Variants in C12orf56 observed in about 807,000 individuals in gnomAD.
C12orf56 encodes uncharacterized protein C12orf56.
In C12orf56, 71 loss-of-function variants were observed where a neutral mutation model predicts 69.9. The ratio of observed to expected loss-of-function variants is 1.02; its 90% confidence interval spans 0.84 to 1.24. C12orf56 has a LOEUF of 1.24. Among genes scored for constraint, C12orf56 ranks in the 50% most tolerant of loss-of-function variants. The probability of loss-of-function intolerance (pLI) is 0.00; values close to 1 mark genes in which losing one functional copy is unlikely to be tolerated. For synonymous variants in C12orf56, 276 were observed against 274.1 expected (o/e 1.01, Z -0.07); for missense variants, 732 against 738.5 (o/e 0.99, Z 0.10).
At chr12:64,369,399 T>A (rs569496040) in intron 1 of C12orf56, among the ~76,000 whole-genome samples, 135 of 152,196 alleles carry the variant, frequency 8.9e-4, no homozygotes, top group African/African-American at 3.1e-3. Context: ...GGTTTCGCCA[T>A]ATTGGCCGGG....
intron 12 of C12orf56, among the ~76,000 whole-genome samples, chr12:64,269,423 G>A (rs2037953907): frequency 6.6e-6 from 1 of 152,140 alleles, no homozygotes; most frequent in South Asian, 2.1e-4. Flanking sequence ...GCCAATGCTG[G>A]CTACTGTTCT....
At chr12:64,293,172 C>A (rs1045391545) in intron 6 of C12orf56, 1 of 152,262 alleles carries the variant, frequency 6.6e-6, no homozygotes, top group Non-Finnish European at 1.5e-5. Context: ...TGACCCCTCG[C>A]GCTTCCCAAG....
intron 2 of C12orf56, among the ~76,000 whole-genome samples, chr12:64,337,398 C>T (rs2039010555): frequency 6.6e-6 from 1 of 152,186 alleles, no homozygotes; most frequent in Non-Finnish European, 1.5e-5. Context: ...CAGGTTTCCA[C>T]CTGTATTTCT....
intron 7 of C12orf56, among the ~76,000 whole-genome samples, chr12:64,285,158 T>C (rs1023534343): frequency 1.4e-5 from 2 of 147,868 alleles, no homozygotes; most frequent in African/African-American, 5.0e-5. Context: ...ATGCACTCCC[T>C]CTGAGGGACA....
intron 6 of C12orf56, among the ~76,000 whole-genome samples, chr12:64,298,198 G>A (rs1009666943): frequency 6.6e-6 from 1 of 152,092 alleles, no homozygotes; most frequent in Non-Finnish European, 1.5e-5. Context: ...AGAAGTGTCT[G>A]TTCATATCCT....
At chr12:64,367,410 G>A (rs965972953) in intron 1 of C12orf56, among the ~76,000 whole-genome samples, 1 of 147,826 alleles carries the variant, frequency 6.8e-6, no homozygotes, top group African/African-American at 2.5e-5. Context: ...AAAATACTAT[G>A]GGTCTAAAAA....
intron 5 of C12orf56, among the ~76,000 whole-genome samples, chr12:64,308,940 G>GAAGAAAGA (rs1555188252): frequency 0.032 from 2,579 of 80,768 alleles, 84 homozygotes; most frequent in Middle Eastern, 0.068. Context: ...AAGAAAGAAA[G>GAAGAAAGA]AAGAAAGAAA....
intron 2 of C12orf56, among the ~76,000 whole-genome samples, chr12:64,333,571 G>A (rs556117342): frequency 3.5e-4 from 53 of 152,034 alleles, no homozygotes; most frequent in Middle Eastern, 6.8e-3. Flanking sequence ...GCACAATCTC[G>A]GCTCACTGCA....
chr12:64,384,627 A>C (rs2039763059), intron 1 of C12orf56, among the ~76,000 whole-genome samples: 1 of 152,174 alleles, frequency 6.6e-6, no homozygotes, highest in Non-Finnish European at 1.5e-5. Flanking sequence ...AAAGGGGTGA[A>C]AGGACTAGGA....
intron 3 of C12orf56, among the ~76,000 whole-genome samples, chr12:64,325,695 G>A (rs2038830093): frequency 1.3e-5 from 2 of 152,104 alleles, no homozygotes; most frequent in African/African-American, 4.8e-5. Context: ...CCAAAAGAAG[G>A]GGAGACTTGA....
intron 6 of C12orf56, among the ~76,000 whole-genome samples, chr12:64,286,714 TG>T (rs2038206723): frequency 6.6e-6 from 1 of 152,192 alleles, no homozygotes; most frequent in African/African-American, 2.4e-5. Context: ...AGAAATGTAA[TG>T]TAATTGCTTT....
At chr12:64,284,810 A>T in intron 7 of C12orf56, 57 bp from the exon 8 acceptor site, 1 of 1,348,664 alleles carries the variant, frequency 7.4e-7, no homozygotes, top group Non-Finnish European at 1.0e-6. Context: ...GAAGCTCAGA[A>T]TTCCACAAAA....
In C12orf56 at chr12:64,330,952, A is replaced by C; in HGVS notation, c.488+8T>G. The C allele has an allele frequency of 6.5e-7, 1 of 1,541,866 alleles. No individual in the cohort carries two copies. The highest frequency in any genetic ancestry group is 8.8e-7 in the Non-Finnish European group (1 of 1,142,020). ...AAGTTAAACACATACTCCAAACAACAATCTCACCTGAGAGGAGATTCTTTC... is the reference window on the plus strand; with the variant it reads ...AAGTTAAACACATACTCCAAACAACCATCTCACCTGAGAGGAGATTCTTTC... On this transcript the variant is annotated splice_region_variant and intron_variant, in intron 3 of 12. Coordinates refer to ENST00000543942, the MANE Select transcript of C12orf56 (RefSeq NM_001170633.2).
At chr12:64,330,116 T>C (rs1431936832) in intron 3 of C12orf56, among the ~76,000 whole-genome samples, 3 of 152,188 alleles carry the variant, frequency 2.0e-5, no homozygotes. Context: ...ACTTCCACAA[T>C]GGTTGAACTA....
intron 6 of C12orf56, among the ~76,000 whole-genome samples, chr12:64,303,008 C>A (rs1322869997): frequency 6.6e-6 from 1 of 152,030 alleles, no homozygotes; most frequent in Non-Finnish European, 1.5e-5. Flanking sequence ...CGCGGTGGTT[C>A]ACACCTGTAA....
chr12:64,389,613 C>T (rs2039840877), intron 1 of C12orf56, among the ~76,000 whole-genome samples: 1 of 152,146 alleles, frequency 6.6e-6, no homozygotes, highest in African/African-American at 2.4e-5. Context: ...TCTTGTGCCT[C>T]AGCCTCCCAA....
chr12:64,382,126 G>A (rs1301888239), intron 1 of C12orf56, among the ~76,000 whole-genome samples: 4 of 151,960 alleles, frequency 2.6e-5, no homozygotes, highest in Non-Finnish European at 5.9e-5. Context: ...AGCCAGGCAT[G>A]GTGGTGTGCC....
At chr12:64,317,588 C>T (rs895786920) in intron 4 of C12orf56, among the ~76,000 whole-genome samples, 5 of 151,936 alleles carry the variant, frequency 3.3e-5, no homozygotes, top group African/African-American at 9.7e-5. Flanking sequence ...GGCAAAACCC[C>T]GTCTCTACCA....
chr12:64,356,191 A>T (rs1008801833), intron 1 of C12orf56, among the ~76,000 whole-genome samples: 1 of 151,972 alleles, frequency 6.6e-6, no homozygotes, highest in South Asian at 2.1e-4. Flanking sequence ...AAAAAAAAAA[A>T]AAAAAAAACC....
Sources: allele counts gnomAD v4.1 joint callset (sites outside exome capture counted in the v4.1 genomes callset), GRCh38; gene constraint gnomAD v4.1.1; transcripts MANE v1.5; gene names NCBI Gene and HGNC (gene_info 2026-07-23, HGNC 2026-07-21).